The following PLXDC2 variants were observed in gnomAD, a reference collection of about 807,000 sequenced individuals.
The protein encoded by PLXDC2 is plexin domain-containing protein 2.
PLXDC2 carries 40 observed loss-of-function variants against 68.9 expected under a neutral mutation model. That is an observed-to-expected ratio of 0.58 (90% confidence interval 0.45 to 0.76). PLXDC2 has a LOEUF of 0.76. Among genes scored for constraint, PLXDC2 ranks in the 30% least tolerant of loss-of-function variants. The probability of loss-of-function intolerance (pLI) is 0.00; values close to 1 mark genes in which losing one functional copy is unlikely to be tolerated. For missense variants in PLXDC2, 644 were observed against 661.9 expected (o/e 0.97, Z 0.30); for synonymous variants, 243 against 234.2 (o/e 1.04, Z -0.34).
At chr10:20,018,720 T>A (rs1450224787) in intron 2 of PLXDC2, among the ~76,000 whole-genome samples, 2 of 152,172 alleles carry the variant, frequency 1.3e-5, no homozygotes, top group Non-Finnish European at 2.9e-5. Context: ...TCTTTTTTTT[T>A]AATACTGAAA....
intron 9 of PLXDC2, among the ~76,000 whole-genome samples, chr10:20,182,120 A>G (rs901525222): frequency 1.4e-5 from 2 of 147,164 alleles, no homozygotes; most frequent in African/African-American, 2.5e-5. Context: ...TTATTGAAGT[A>G]TAATTTACAT....
At chr10:19,860,720 T>A (rs1260178814) in intron 1 of PLXDC2, among the ~76,000 whole-genome samples, 1 of 152,226 alleles carries the variant, frequency 6.6e-6, no homozygotes, top group Admixed American at 6.5e-5. Flanking sequence ...ATGTGTTGAA[T>A]GTACTGTTTA....
intron 10 of PLXDC2, among the ~76,000 whole-genome samples, chr10:20,214,601 G>T (rs1029734803): frequency 2.0e-5 from 3 of 151,998 alleles, no homozygotes; most frequent in African/African-American, 7.2e-5. Flanking sequence ...TTTTTTGAGT[G>T]GGGAGGGGAA....
chr10:19,887,353 T>G (rs1837866865), intron 1 of PLXDC2, among the ~76,000 whole-genome samples: 1 of 152,112 alleles, frequency 6.6e-6, no homozygotes, highest in Admixed American at 6.6e-5. Flanking sequence ...AAACCCTGTC[T>G]CTACTAAAAA....
intron 12 of PLXDC2, among the ~76,000 whole-genome samples, chr10:20,238,683 A>ATGTG (rs1835470878): frequency 7.3e-6 from 1 of 136,866 alleles, no homozygotes; most frequent in Admixed American, 7.6e-5. Context: ...ATATGTATAT[A>ATGTG]TATATATATA....
intron 1 of PLXDC2, among the ~76,000 whole-genome samples, chr10:19,830,598 T>G (rs899643638): frequency 6.6e-6 from 1 of 152,182 alleles, no homozygotes; most frequent in East Asian, 1.9e-4. Flanking sequence ...CCCCACTCTA[T>G]GTTGTTCTCC....
At chr10:20,164,708 T>C in intron 7 of PLXDC2, 141 bp downstream of exon 7, 2 of 710,296 alleles carry the variant, frequency 2.8e-6, no homozygotes, top group Non-Finnish European at 4.9e-6. Flanking sequence ...TTCTGTTGTT[T>C]GCTTTATAAC....
chr10:20,063,426 T>C (rs1836139562), intron 3 of PLXDC2, among the ~76,000 whole-genome samples: 1 of 152,174 alleles, frequency 6.6e-6, no homozygotes, highest in Non-Finnish European at 1.5e-5. Context: ...CTTTGAGGAC[T>C]GTAAATGTGC....
At chr10:20,247,543 A>T (rs1835616574) in intron 13 of PLXDC2, among the ~76,000 whole-genome samples, 1 of 151,958 alleles carries the variant, frequency 6.6e-6, no homozygotes, top group African/African-American at 2.4e-5. Flanking sequence ...GGCCTTTGAT[A>T]CTGTGTACCC....
chr10:20,184,824 A>G (rs1165482472), intron 9 of PLXDC2, among the ~76,000 whole-genome samples: 1 of 151,964 alleles, frequency 6.6e-6, no homozygotes, highest in East Asian at 1.9e-4. Context: ...TGATTTTAAT[A>G]AAACTGTGGG....
intron 13 of PLXDC2, among the ~76,000 whole-genome samples, chr10:20,246,983 C>T (rs1835605756): frequency 6.6e-6 from 1 of 152,092 alleles, no homozygotes; most frequent in South Asian, 2.1e-4. Flanking sequence ...AAAGTGCCGT[C>T]TCCTTTTCCT....
intron 1 of PLXDC2, among the ~76,000 whole-genome samples, chr10:19,854,619 A>C (rs972770322): frequency 4.6e-5 from 7 of 152,180 alleles, no homozygotes; most frequent in African/African-American, 1.4e-4. Flanking sequence ...TTATAAGGTT[A>C]ATTTAATATT....
chr10:19,875,968 T>TTA (rs1837621949), intron 1 of PLXDC2, among the ~76,000 whole-genome samples: 1 of 152,180 alleles, frequency 6.6e-6, no homozygotes, highest in Non-Finnish European at 1.5e-5. Flanking sequence ...TTTGTAACAT[T>TTA]TTTCTTGAAA....
At chr10:20,067,938 G>A (rs772819369) in intron 3 of PLXDC2, among the ~76,000 whole-genome samples, 1 of 152,240 alleles carries the variant, frequency 6.6e-6, no homozygotes, top group South Asian at 2.1e-4. Flanking sequence ...TTATTCAGTG[G>A]ACAACTAAAA....
intron 1 of PLXDC2, among the ~76,000 whole-genome samples, chr10:19,937,325 G>A (rs371773857): frequency 1.1e-4 from 16 of 151,706 alleles, no homozygotes; most frequent in African/African-American, 2.9e-4. Context: ...GCCCTCAATC[G>A]GAATATGCCA....
intron 13 of PLXDC2, among the ~76,000 whole-genome samples, chr10:20,272,709 G>A (rs113808512): frequency 0.016 from 2,489 of 152,320 alleles, 66 homozygotes; most frequent in African/African-American, 0.053. Flanking sequence ...TTATCACCAT[G>A]TACTAAAAAT....
chr10:19,995,409 A>G (rs1486817958), intron 1 of PLXDC2, among the ~76,000 whole-genome samples: 1 of 152,204 alleles, frequency 6.6e-6, no homozygotes, highest in African/African-American at 2.4e-5. Context: ...AGTGTGAAAT[A>G]TTGTCTATCC....
chr10:19,954,304 G>T (rs1022187498), intron 1 of PLXDC2, among the ~76,000 whole-genome samples: 1 of 151,936 alleles, frequency 6.6e-6, no homozygotes, highest in Admixed American at 6.6e-5. Context: ...TATCCTTATG[G>T]ACATTTTGAA....
chr10:19,978,536 G>A (rs1834496806), intron 1 of PLXDC2, among the ~76,000 whole-genome samples: 1 of 152,122 alleles, frequency 6.6e-6, no homozygotes, highest in Non-Finnish European at 1.5e-5. Flanking sequence ...AGAGAAGAAA[G>A]TTTTCATGTT....
Sources: allele counts gnomAD v4.1 joint callset (sites outside exome capture counted in the v4.1 genomes callset), GRCh38; gene constraint gnomAD v4.1.1; transcripts MANE v1.5; gene names NCBI Gene and HGNC (gene_info 2026-07-23, HGNC 2026-07-21).